The following JAKMIP2 variants were observed in gnomAD, a reference collection of about 807,000 sequenced individuals.
JAKMIP2 encodes the protein janus kinase and microtubule-interacting protein 2.
In JAKMIP2, 25 loss-of-function variants were observed where a neutral mutation model predicts 115.0. That is an observed-to-expected ratio of 0.22 (90% CI 0.16 to 0.30). The LOEUF is 0.30. Ranked by LOEUF, JAKMIP2 falls within the 10% of genes least tolerant of loss-of-function variation. The probability of loss-of-function intolerance (pLI) is 1.00; values close to 1 mark genes in which losing one functional copy is unlikely to be tolerated. For synonymous variants in JAKMIP2, 334 were observed against 343.6 expected (o/e 0.97, Z 0.31); for missense variants, 642 against 957.6 (o/e 0.67, Z 4.35).
chr5:147,620,689 G>C lies in JAKMIP2; in HGVS notation c.2119C>G (p.Gln707Glu). 6.2e-7 allele frequency: 1 copy of C among 1,613,448 alleles called. No homozygotes were observed. ...ACCATATATGCTTGGTCAAGAGCTTGTTTTCTGTAGTCTAGTTCTTCCTCC... is the reference window on the plus strand; with the variant it reads ...ACCATATATGCTTGGTCAAGAGCTTCTTTTCTGTAGTCTAGTTCTTCCTCC... ...YLEEELDYRK[Q>E]ALDQAYMRIQ... The change falls in exon 18 of 22, where the codon CAA (glutamine) becomes GAA (glutamate). Residue 707 changes from glutamine (Q) to glutamate (E), a missense_variant. By Grantham distance (29) the Gln-to-Glu change is conservative. Transcript: ENST00000616793.
intron 1 of JAKMIP2, among the ~76,000 whole-genome samples, chr5:147,679,406 A>G (rs958282743): frequency 6.6e-6 from 1 of 152,224 alleles, no homozygotes. Context: ...CTTTTGGTAG[A>G]TGTTAAAAAG....
chr5:147,702,567 AG>A (rs1752380322), intron 1 of JAKMIP2, among the ~76,000 whole-genome samples: 1 of 101,284 alleles, frequency 9.9e-6, no homozygotes, highest in Non-Finnish European at 2.3e-5. Flanking sequence ...AAAGAAAGAA[AG>A]AAAGAAAGAA....
intron 17 of JAKMIP2, among the ~76,000 whole-genome samples, chr5:147,622,028 C>A (rs565786977): frequency 6.2e-4 from 95 of 152,206 alleles, no homozygotes; most frequent in African/African-American, 2.3e-3. Context: ...CCACCGCGCC[C>A]GGCTAATTTT....
At chr5:147,728,315 A>C (rs1753597452) in intron 1 of JAKMIP2, among the ~76,000 whole-genome samples, 1 of 152,088 alleles carries the variant, frequency 6.6e-6, no homozygotes. Context: ...TCACAAAATG[A>C]GTTGATTGGT....
At chr5:147,683,109 A>G (rs1760382011) in intron 1 of JAKMIP2, among the ~76,000 whole-genome samples, 1 of 152,224 alleles carries the variant, frequency 6.6e-6, no homozygotes, top group African/African-American at 2.4e-5. Context: ...GGAAGCAATT[A>G]TGTATTCAAG....
intron 1 of JAKMIP2, among the ~76,000 whole-genome samples, chr5:147,759,036 G>A (rs986217155): frequency 6.6e-6 from 1 of 152,062 alleles, no homozygotes; most frequent in African/African-American, 2.4e-5. Context: ...GAGGTGGAAA[G>A]AGAGGCAACA....
intron 21 of JAKMIP2, among the ~76,000 whole-genome samples, chr5:147,601,054 G>A (rs555589819): frequency 4.6e-5 from 7 of 152,204 alleles, no homozygotes; most frequent in South Asian, 4.1e-4. Flanking sequence ...TAAAGATAAC[G>A]TCATTATTTA....
intron 1 of JAKMIP2, among the ~76,000 whole-genome samples, chr5:147,764,642 A>T (rs939041907): frequency 6.6e-6 from 1 of 151,712 alleles, no homozygotes; most frequent in Non-Finnish European, 1.5e-5. Context: ...AATCCCAGCA[A>T]TTTGGGAGGC....
chr5:147,711,823 A>T (rs947492871), intron 1 of JAKMIP2, among the ~76,000 whole-genome samples: 11 of 152,082 alleles, frequency 7.2e-5, no homozygotes, highest in Admixed American at 3.9e-4. Context: ...GCACACCACC[A>T]CACCTGGCTA....
At chr5:147,728,887 A>C (rs954404919) in intron 1 of JAKMIP2, among the ~76,000 whole-genome samples, 1 of 152,192 alleles carries the variant, frequency 6.6e-6, no homozygotes, top group Non-Finnish European at 1.5e-5. Flanking sequence ...ATGTGGAATT[A>C]GCCATTCCCC....
intron 3 of JAKMIP2, among the ~76,000 whole-genome samples, chr5:147,652,774 C>T (rs562093528): frequency 1.4e-4 from 22 of 152,138 alleles, no homozygotes; most frequent in African/African-American, 5.1e-4. Flanking sequence ...CATGTGCCAT[C>T]GTGGCTTGCT....
Position 147,671,753 on chromosome 5 carries a change from G to A in JAKMIP2, c.54C>T (p.Ala18=). Residue 18 remains alanine, a synonymous_variant, in exon 2 of 22, where the codon GCC becomes GCT. Coordinates refer to ENST00000616793, the MANE Select transcript of JAKMIP2 (RefSeq NM_001270941.2). ...KGEKPEALIV[A]LQAANEDLRT... ...TGAGGTCTTCATTGGCAGCTTGAAG[G>A]GCAACAATGAGTGCCTCGGGCTTCT... 1 of 1,591,454 alleles carries A rather than the reference G, an allele frequency of 6.3e-7. No homozygotes were observed. Among genetic ancestry groups the A allele is most frequent in the Non-Finnish European group, 8.6e-7 (1 of 1,168,186 alleles).
At chr5:147,647,496 A>T (rs1226512916) in intron 5 of JAKMIP2, among the ~76,000 whole-genome samples, 1 of 152,158 alleles carries the variant, frequency 6.6e-6, no homozygotes, top group East Asian at 1.9e-4. Flanking sequence ...AGTAACTGAA[A>T]CAGTAAAGGC....
chr5:147,677,239 A>G (rs1760017872), intron 1 of JAKMIP2, among the ~76,000 whole-genome samples: 1 of 152,232 alleles, frequency 6.6e-6, no homozygotes, highest in African/African-American at 2.4e-5. Flanking sequence ...ACAGCTCACG[A>G]CGCAAGAACT....
At chr5:147,643,867 T>C (rs1479135648) in intron 7 of JAKMIP2, among the ~76,000 whole-genome samples, 191 bp downstream of exon 7, 5 of 152,204 alleles carry the variant, frequency 3.3e-5, no homozygotes, top group African/African-American at 1.2e-4. Flanking sequence ...AACAAAGGGT[T>C]ATAATTTAAA....
At chr5:147,780,775 T>C (rs1442820352) in intron 1 of JAKMIP2, among the ~76,000 whole-genome samples, 3 of 152,102 alleles carry the variant, frequency 2.0e-5, no homozygotes, top group Non-Finnish European at 4.4e-5. Context: ...AAATTATAAA[T>C]GTGGGGGGTG....
intron 1 of JAKMIP2, among the ~76,000 whole-genome samples, chr5:147,779,928 C>T (rs536404713): frequency 1.3e-5 from 2 of 152,250 alleles, no homozygotes; most frequent in South Asian, 4.1e-4. Flanking sequence ...CTATGAGGAA[C>T]TTCTACATTT....
chr5:147,645,355 C>A (rs143243458), intron 5 of JAKMIP2, among the ~76,000 whole-genome samples: 135 of 152,236 alleles, frequency 8.9e-4, no homozygotes, highest in African/African-American at 3.1e-3. Context: ...CCTGGAATGA[C>A]CTGCATTAGC....
At chr5:147,672,255 C>A (rs72835141) in intron 1 of JAKMIP2, among the ~76,000 whole-genome samples, 11,668 of 152,250 alleles carry the variant, frequency 0.077, 665 homozygotes, top group African/African-American at 0.15. Context: ...CTCATCTCCT[C>A]CATGTCACTC....
Sources: allele counts gnomAD v4.1 joint callset (sites outside exome capture counted in the v4.1 genomes callset), GRCh38; gene constraint gnomAD v4.1.1; transcripts MANE v1.5; gene names NCBI Gene and HGNC (gene_info 2026-07-23, HGNC 2026-07-21).